Variants in NGLY1 observed in about 807,000 individuals in gnomAD.
NGLY1 encodes peptide-N(4)-(N-acetyl-beta-glucosaminyl)asparagine amidase.
Under a neutral mutation model 84.6 loss-of-function variants are expected in NGLY1, and 68 were observed. The ratio of observed to expected loss-of-function variants is 0.80; its 90% CI spans 0.66 to 0.98. The LOEUF (loss-of-function observed/expected upper bound fraction) is 0.98, where lower values mean the gene tolerates loss of function less well. NGLY1 is among the 50% of genes least tolerant of loss of function. The pLI is 0.00. For synonymous variants in NGLY1, 280 were observed against 275.2 expected, an observed-to-expected ratio of 1.02 and a Z score of -0.17; for missense variants, 779 against 770.2, an observed-to-expected ratio of 1.01 and a Z score of -0.14.
chr3:25,735,730 G>A (rs1705780747), intron 7 of NGLY1: 1 of 268,776 alleles, frequency 3.7e-6, no homozygotes, highest in South Asian at 7.3e-5. Context: ...AGACTTGTGT[G>A]CCTGAGTGTT....
At chr3:25,757,106 T>C (rs978010843) in intron 3 of NGLY1, among the ~76,000 whole-genome samples, 4 of 152,206 alleles carry the variant, frequency 2.6e-5, no homozygotes, top group African/African-American at 9.6e-5. Context: ...GCTTGATATA[T>C]CTAAGAAAAA....
In NGLY1 at chr3:25,756,901, T is replaced by G. The variant is rs1415147896; in HGVS notation, c.493-5638A>C. On this transcript the variant is annotated intron_variant, in intron 3 of 11. Transcript: ENST00000280700. Reference sequence around the variant, plus strand: ...TAATACTGTAATATTGCTGAACACTTTCCCAGTTTTCCTCTTATACACATC... The same window carrying G: ...TAATACTGTAATATTGCTGAACACTGTCCCAGTTTTCCTCTTATACACATC... 3.3e-5 allele frequency among the ~76,000 whole-genome samples: 5 copies of G among 152,234 alleles called. No individual in the cohort carries two copies. In the South Asian group the frequency reaches 8.3e-4, roughly 25 times the overall value.
intron 5 of NGLY1, among the ~76,000 whole-genome samples, chr3:25,738,551 A>T (rs1462847888): frequency 6.6e-6 from 1 of 152,200 alleles, no homozygotes; most frequent in Non-Finnish European, 1.5e-5. Flanking sequence ...CTCTGCGATG[A>T]CAAGTCTGTT....
At chr3:25,739,002 G>T (rs1705986888) in intron 5 of NGLY1, among the ~76,000 whole-genome samples, 1 of 151,840 alleles carries the variant, frequency 6.6e-6, no homozygotes, top group African/African-American at 2.4e-5. Flanking sequence ...GTTGGGCAGG[G>T]GAAGCACCTA....
chr3:25,727,080 ATC>A (rs1705302910), intron 10 of NGLY1, among the ~76,000 whole-genome samples: 1 of 152,126 alleles, frequency 6.6e-6, no homozygotes, highest in Non-Finnish European at 1.5e-5. Context: ...GAGCTAGAAA[ATC>A]CCTAACTGGG....
chr3:25,771,806 G>A (rs1472961916), intron 2 of NGLY1, among the ~76,000 whole-genome samples: 1 of 152,126 alleles, frequency 6.6e-6, no homozygotes, highest in Non-Finnish European at 1.5e-5. Flanking sequence ...ATTGTAAAAG[G>A]AGTTGAGTTC....
intron 4 of NGLY1, chr3:25,749,467 A>C: frequency 7.5e-7 from 1 of 1,333,218 alleles, no homozygotes; most frequent in Non-Finnish European, 1.1e-6. Flanking sequence ...CAGAGGTGGC[A>C]GCCATCTCCT....
At chr3:25,727,203 T>C (rs1222112512) in intron 10 of NGLY1, among the ~76,000 whole-genome samples, 3 of 152,308 alleles carry the variant, frequency 2.0e-5, no homozygotes, top group African/African-American at 7.2e-5. Flanking sequence ...CTAGTATTTT[T>C]CTTCATTTGA....
chr3:25,784,308 G>A (rs1394233193), upstream of NGLY1, among the ~76,000 whole-genome samples: 3 of 152,186 alleles, frequency 2.0e-5, no homozygotes, highest in Non-Finnish European at 2.9e-5. Flanking sequence ...TTACCGCGTG[G>A]TGACCAGCGT....
At position 25,733,989 on chromosome 3, in the gene NGLY1, CAAAT is replaced by C. The variant is rs757672465; in HGVS notation, c.1150-11_1150-8del. The C allele has an allele frequency of 1.9e-6, 3 of 1,611,336 alleles. No individual in the cohort carries two copies. Among genetic ancestry groups the C allele is most frequent in the East Asian group, 2.2e-5 (1 of 44,818 alleles). On this transcript the variant is annotated splice_polypyrimidine_tract_variant and splice_region_variant and intron_variant, in intron 7 of 11. Coordinates refer to ENST00000280700, the MANE Select transcript of NGLY1 (RefSeq NM_018297.4). ...GCCAAGTGACATCAACTACCTGAAA[CAAAT>C]AACAGAATACAAATACTTAACAAGA... is the stretch of plus-strand genomic sequence containing the variant.
At chr3:25,743,447 CT>C (rs1367479802) in intron 4 of NGLY1, among the ~76,000 whole-genome samples, 1 of 152,150 alleles carries the variant, frequency 6.6e-6, no homozygotes, top group Non-Finnish European at 1.5e-5. Flanking sequence ...TTGCTCATGC[CT>C]TCTACCTAAA....
intron 3 of NGLY1, among the ~76,000 whole-genome samples, chr3:25,752,643 TAAA>T (rs745704602): frequency 7.4e-6 from 1 of 135,726 alleles, no homozygotes. Flanking sequence ...TCCTATCTCT[TAAA>T]AAAAAAAAAA....
chr3:25,783,218 CA>C lies in NGLY1; in HGVS notation c.131+41del. ...CCTGGCCGAACAAGGTGCCGCGGCC[CA>C]CCCACCCCGGTACCCGCCGTCCGAC... On this transcript the variant is annotated intron_variant, in intron 1 of 11. Coordinates refer to ENST00000280700, the MANE Select transcript of NGLY1 (RefSeq NM_018297.4). This position sits in a 1 kb window ranked among gnomAD's most constrained non-coding sequence, Gnocchi z 4.5. 1 of 1,571,016 alleles carries C rather than the reference CA, an allele frequency of 6.4e-7. No individual in the cohort carries two copies.
At position 25,764,209 on chromosome 3, in the gene NGLY1, T is replaced by C. The variant is rs1183861340; in HGVS notation, c.349A>G (p.Asn117Asp). Residue 117 changes from asparagine (N) to aspartate (D), a missense_variant, in exon 3 of 12, where the codon AAT (asparagine) becomes GAT (aspartate). Transcript: ENST00000280700. ...GATGACTTTACTTTGTGGCTCTTATTTGAGCCATCCAGTCTGCTACTTCTC... is the reference window on the plus strand; with the variant it reads ...GATGACTTTACTTTGTGGCTCTTATCTGAGCCATCCAGTCTGCTACTTCTC... The part of the protein sequence containing the change: ...IERSSRLDGS[N>D]KSHKVKSSQQ... 6.2e-7 allele frequency: 1 copy of C among 1,614,208 alleles called. No homozygotes were observed.
chr3:25,753,619 A>G (rs895949337), intron 3 of NGLY1, among the ~76,000 whole-genome samples: 1 of 152,076 alleles, frequency 6.6e-6, no homozygotes, highest in East Asian at 1.9e-4. Flanking sequence ...GTAGAAAAAT[A>G]TAAAATTAAA....
At chr3:25,748,847 C>T (rs1053455944) in intron 4 of NGLY1, among the ~76,000 whole-genome samples, 1 of 151,980 alleles carries the variant, frequency 6.6e-6, no homozygotes. Context: ...TAAAGTTCTA[C>T]TTTACCTAAA....
chr3:25,779,287 A>G (rs1708303892), intron 1 of NGLY1, among the ~76,000 whole-genome samples: 1 of 152,188 alleles, frequency 6.6e-6, no homozygotes, highest in African/African-American at 2.4e-5. Flanking sequence ...GAAGACATAA[A>G]TTTCTTTTAC....
chr3:25,781,163 C>A (rs1185237286), intron 1 of NGLY1, among the ~76,000 whole-genome samples: 1 of 152,092 alleles, frequency 6.6e-6, no homozygotes, highest in South Asian at 2.1e-4. Context: ...GTTGCCCAGG[C>A]TGGTCTCAAA....
chr3:25,761,099 C>A (rs1439226591), intron 3 of NGLY1, among the ~76,000 whole-genome samples: 1 of 151,656 alleles, frequency 6.6e-6, no homozygotes, highest in East Asian at 1.9e-4. Flanking sequence ...TAAACACATA[C>A]CCATATATAA....
Sources: allele counts gnomAD v4.1 joint callset (sites outside exome capture counted in the v4.1 genomes callset), GRCh38; gene constraint gnomAD v4.1.1; non-coding constraint Gnocchi (gnomAD v3.1); transcripts MANE v1.5; gene names NCBI Gene and HGNC (gene_info 2026-07-23, HGNC 2026-07-21).